The following CYFIP2 variants were observed in gnomAD, a reference collection of about 807,000 sequenced individuals.
CYFIP2 encodes cytoplasmic FMR1-interacting protein 2.
Under a neutral mutation model 158.7 loss-of-function variants are expected in CYFIP2, and 29 were observed. That is an observed-to-expected ratio of 0.18 (90% CI 0.14 to 0.25). CYFIP2 has a LOEUF of 0.25. Ranked by LOEUF, CYFIP2 falls within the 10% of genes least tolerant of loss-of-function variation. The pLI is 1.00. For synonymous variants in CYFIP2, 585 were observed against 617.6 expected (o/e 0.95, Z 0.78); for missense variants, 852 against 1,639.5 (o/e 0.52, Z 8.29).
rs775042017 is a variant in CYFIP2 at position 157,392,928 on chromosome 5, A to G, written c.3690A>G (p.Thr1230=). ...ILNKYMKSVE[T]DSSTVEHVRC... is the part of the protein sequence containing the mutation. The stretch of plus-strand genomic sequence containing the variant: ...ACAAATACATGAAGTCCGTGGAGAC[A>G]GACAGTTCCACTGTGGAGCATGTGC... The change falls in exon 31 of 31, where the codon ACA becomes ACG. Residue 1230 remains threonine (T), a synonymous_variant. Transcript: ENST00000620254. The G allele has an allele frequency of 1.1e-4, 173 of 1,614,004 alleles. 1 individual carries two copies. In the East Asian group the frequency reaches 3.7e-3, roughly 35 times the overall value.
chr5:157,289,308 G>A (rs970457083), intron 3 of CYFIP2, among the ~76,000 whole-genome samples: 8 of 152,196 alleles, frequency 5.3e-5, no homozygotes, highest in Non-Finnish European at 8.8e-5. Context: ...AGGAGTGACT[G>A]GTATGGACTG....
At chr5:157,354,655 T>C (rs966114744) in intron 23 of CYFIP2, among the ~76,000 whole-genome samples, 4 of 152,014 alleles carry the variant, frequency 2.6e-5, no homozygotes, top group African/African-American at 9.7e-5. Flanking sequence ...TCACATGAAA[T>C]GCATCTTGGA....
At position 157,336,637 on chromosome 5, in the gene CYFIP2, G is replaced by A. The variant is rs145056478; in HGVS notation, c.2386-2420G>A. Among the ~76,000 whole-genome samples the A allele has an allele frequency of 2.7e-3, 408 of 152,288 alleles. 1 individual carries two copies. The highest frequency in any genetic ancestry group is 0.02 in the Middle Eastern group (6 of 294). On this transcript the variant is annotated intron_variant, in intron 21 of 30. Transcript: ENST00000620254. ...GTGGTTAACAATCAGGTCTTCTTTC[G>A]TTGATGAGCTCTTTCTCCCACTACT...
chr5:157,378,392 A>G (rs1739805573), intron 26 of CYFIP2, among the ~76,000 whole-genome samples: 1 of 152,252 alleles, frequency 6.6e-6, no homozygotes, highest in South Asian at 2.1e-4. Context: ...AAACCCAATA[A>G]GTCAACAAAT....
chr5:157,354,968 C>A (rs1763316856), intron 23 of CYFIP2, among the ~76,000 whole-genome samples: 1 of 151,988 alleles, frequency 6.6e-6, no homozygotes, highest in Non-Finnish European at 1.5e-5. Context: ...GAAGGATGAG[C>A]GTCCAGGAAG....
At chr5:157,348,574 G>C (rs637694) in intron 23 of CYFIP2, among the ~76,000 whole-genome samples, 6,071 of 152,232 alleles carry the variant, frequency 0.04, 169 homozygotes, top group Non-Finnish European at 0.066. Context: ...ACCATGCCCA[G>C]CTAATTTTTG....
intron 26 of CYFIP2, among the ~76,000 whole-genome samples, chr5:157,367,973 G>A (rs1436035121): frequency 6.6e-6 from 1 of 151,938 alleles, no homozygotes; most frequent in African/African-American, 2.4e-5. Flanking sequence ...GGTCAGGCTG[G>A]TCTTGAACTC....
chr5:157,387,124 G>A (rs1766776936), intron 28 of CYFIP2, among the ~76,000 whole-genome samples: 1 of 152,066 alleles, frequency 6.6e-6, no homozygotes, highest in Non-Finnish European at 1.5e-5. Flanking sequence ...ATAGTAATAT[G>A]ACTCAAATTG....
intron 23 of CYFIP2, chr5:157,343,396 G>T: frequency 6.2e-7 from 1 of 1,614,198 alleles, no homozygotes; most frequent in African/African-American, 1.3e-5. Flanking sequence ...CGTGGTGGAA[G>T]CTGTAGCGAA....
chr5:157,387,070 A>C (rs1456576820), intron 28 of CYFIP2, among the ~76,000 whole-genome samples: 1 of 152,214 alleles, frequency 6.6e-6, no homozygotes, highest in East Asian at 1.9e-4. Flanking sequence ...CACAATATTG[A>C]AAGAAATAAG....
chr5:157,356,243 C>T (rs569077310), intron 23 of CYFIP2, among the ~76,000 whole-genome samples: 9 of 152,210 alleles, frequency 5.9e-5, no homozygotes, highest in Admixed American at 1.3e-4. Context: ...TCACTGTAGG[C>T]TCCCATGGCA....
At position 157,307,829 on chromosome 5, in the gene CYFIP2, G is replaced by T; in HGVS notation, c.864G>T (p.Lys288Asn). Residue 288 changes from lysine to asparagine, a missense_variant, in exon 9 of 31, where the codon AAG becomes AAT. Physicochemically the swap from Lys to Asn is moderately conservative, Grantham distance 94. Coordinates refer to ENST00000620254, the MANE Select transcript of CYFIP2 (RefSeq NM_001037333.3). Reference sequence around the variant, plus strand: ...ACATTTACAAACTGGATGCCAAGAAGAGAATTAATCTTAGCAAAATTGATA... The same window carrying T: ...ACATTTACAAACTGGATGCCAAGAATAGAATTAATCTTAGCAAAATTGATA... ...VSNIYKLDAKKRINLSKIDKF... is the reference protein window; with the variant it reads ...VSNIYKLDAKNRINLSKIDKF... 6.2e-7 allele frequency: 1 copy of T among 1,610,212 alleles called. No homozygotes were observed. The highest frequency in any genetic ancestry group is 1.1e-5 in the South Asian group (1 of 90,196).
chr5:157,363,231 GA>G (rs1167143988), intron 26 of CYFIP2: 1 of 152,214 alleles, frequency 6.6e-6, no homozygotes, highest in Non-Finnish European at 1.5e-5. Context: ...AACGGAGAAG[GA>G]AACAGGATGT....
intron 23 of CYFIP2, among the ~76,000 whole-genome samples, chr5:157,358,124 G>A (rs1337999511): frequency 1.3e-5 from 2 of 152,170 alleles, no homozygotes; most frequent in South Asian, 2.1e-4. Context: ...CTCCGTAAGC[G>A]GCAGCATTTC....
chr5:157,272,355 C>T (rs1756176904), intron 1 of CYFIP2, among the ~76,000 whole-genome samples: 1 of 152,170 alleles, frequency 6.6e-6, no homozygotes, highest in Admixed American at 6.5e-5. Flanking sequence ...TGGGTACCGG[C>T]CAGGTGTCTG....
chr5:157,384,341 G>A (rs1359068570), intron 28 of CYFIP2: 3 of 456,582 alleles, frequency 6.6e-6, no homozygotes, highest in Non-Finnish European at 1.3e-5. Flanking sequence ...GGGCAGGCAG[G>A]GGAAGAATTC....
At chr5:157,291,379 C>T (rs1199967744) in intron 3 of CYFIP2, among the ~76,000 whole-genome samples, 1 of 152,238 alleles carries the variant, frequency 6.6e-6, no homozygotes, top group Non-Finnish European at 1.5e-5. Context: ...CCATCCTAAC[C>T]TCTACATTCT....
At chr5:157,390,698 G>A (rs773877335) in intron 30 of CYFIP2, 30 bp downstream of exon 30, 2 of 1,570,534 alleles carry the variant, frequency 1.3e-6, no homozygotes, top group Admixed American at 1.9e-5. Context: ...AGGCCTGGGA[G>A]GTGGGGCTGG....
chr5:157,384,664 GC>G (rs897231553), intron 28 of CYFIP2: 1 of 378,530 alleles, frequency 2.6e-6, no homozygotes, highest in African/African-American at 2.1e-5. Context: ...ATGGGGCCGG[GC>G]GCGGTGGCTC....
Sources: gnomAD v4.1 joint callset for allele counts (sites outside exome capture counted in the v4.1 genomes callset) on GRCh38, gnomAD v4.1.1 for gene constraint, MANE v1.5 for transcripts, NCBI Gene and HGNC (gene_info 2026-07-23, HGNC 2026-07-21) for gene names.